The following ARAP2 variants were observed in gnomAD, a reference collection of about 807,000 sequenced individuals.
The protein encoded by ARAP2 is arf-GAP with Rho-GAP domain, ANK repeat and PH domain-containing protein 2.
Under a neutral mutation model 194.5 loss-of-function variants are expected in ARAP2, and 148 were observed. That is an observed-to-expected ratio of 0.76 (90% CI 0.67 to 0.87). ARAP2 has a LOEUF of 0.87. Ranked by LOEUF, ARAP2 falls within the 40% of genes least tolerant of loss-of-function variation. ARAP2 has a pLI of 0.00. For missense variants in ARAP2, 2,128 were observed against 1,989.7 expected (o/e 1.07, Z -1.32); for synonymous variants, 695 against 683.5 (o/e 1.02, Z -0.26).
intron 2 of ARAP2, among the ~76,000 whole-genome samples, chr4:36,224,323 T>C (rs918828699): frequency 2.6e-5 from 4 of 151,614 alleles, no homozygotes; most frequent in African/African-American, 9.7e-5. Context: ...ACACAATCAT[T>C]AGGCAGCAGT....
rs1722618253 is a variant in ARAP2 at position 36,121,290 on chromosome 4, G to C, written c.3783C>G (p.Ala1261=). Residue 1261 remains alanine (A), a synonymous_variant, in exon 23 of 33, where the codon GCC becomes GCG. Transcript: ENST00000303965. ...ATGAAAAGACCAAGGCCAAATTATGGGCATTCATGTGATTGATTTCTGAGC... is the reference window on the plus strand; with the variant it reads ...ATGAAAAGACCAAGGCCAAATTATGCGCATTCATGTGATTGATTTCTGAGC... ...QKCSEINHMN[A]HNLALVFSSC... The C allele has an allele frequency of 2.5e-6, 4 of 1,601,304 alleles. No individual in the cohort carries two copies. The highest frequency in any genetic ancestry group is 3.4e-6 in the Non-Finnish European group (4 of 1,172,832).
chr4:36,243,384 A>C (rs918851682), intron 1 of ARAP2, among the ~76,000 whole-genome samples: 3 of 42,028 alleles, frequency 7.1e-5, no homozygotes, highest in East Asian at 3.4e-4. Flanking sequence ...ACAAGCTTGC[A>C]AAAAAAAAAA....
At chr4:36,030,728 C>T (rs1472563133) in intron 5 of ARAP2, among the ~76,000 whole-genome samples, 1 of 149,958 alleles carries the variant, frequency 6.7e-6, no homozygotes, top group Non-Finnish European at 1.5e-5. Flanking sequence ...GTCTTAATTG[C>T]TATGACTACT....
chr4:36,114,349 G>T, intron 25 of ARAP2, 62 bp from the exon 26 acceptor site: 1 of 988,598 alleles, frequency 1.0e-6, no homozygotes, highest in Non-Finnish European at 1.5e-6. Flanking sequence ...CTTATGCTAG[G>T]TCAATAATAT....
intron 5 of ARAP2, among the ~76,000 whole-genome samples, chr4:36,045,748 A>T (rs1184723948): frequency 1.3e-5 from 2 of 152,198 alleles, no homozygotes; most frequent in Non-Finnish European, 2.9e-5. Context: ...TAGATATGCT[A>T]ATTAGACTGA....
At chr4:36,188,073 C>T (rs1740972712) in intron 7 of ARAP2, among the ~76,000 whole-genome samples, 1 of 152,136 alleles carries the variant, frequency 6.6e-6, no homozygotes. Flanking sequence ...CAACCTCAAA[C>T]TGTATCATTT....
chr4:36,121,655 G>A (rs1053974487), intron 22 of ARAP2, among the ~76,000 whole-genome samples: 8 of 151,648 alleles, frequency 5.3e-5, no homozygotes, highest in East Asian at 2.0e-4. Context: ...GCAGAATGGC[G>A]TAAAATGACT....
chr4:36,027,271 G>A (rs1718078277), intron 5 of ARAP2, among the ~76,000 whole-genome samples: 1 of 152,060 alleles, frequency 6.6e-6, no homozygotes, highest in East Asian at 1.9e-4. Context: ...AGCACAGAGA[G>A]CAAAGGTAAT....
chr4:36,069,396 A>G (rs1447465316), intron 32 of ARAP2, among the ~76,000 whole-genome samples: 2 of 152,196 alleles, frequency 1.3e-5, no homozygotes, highest in East Asian at 1.9e-4. Context: ...AAATACTAAG[A>G]AAAATAGTGA....
At chr4:36,136,089 A>G (rs1726644180) in intron 19 of ARAP2, among the ~76,000 whole-genome samples, 1 of 151,848 alleles carries the variant, frequency 6.6e-6, no homozygotes, top group African/African-American at 2.4e-5. Context: ...ATGGTTTGAC[A>G]TTTAATAGCA....
chr4:36,171,214 T>A (rs913227720), intron 9 of ARAP2, among the ~76,000 whole-genome samples: 1 of 152,184 alleles, frequency 6.6e-6, no homozygotes, highest in African/African-American at 2.4e-5. Context: ...TAAAGACACA[T>A]GCACACGTAT....
chr4:36,213,865 G>T (rs563860380), intron 3 of ARAP2, among the ~76,000 whole-genome samples: 1 of 152,056 alleles, frequency 6.6e-6, no homozygotes, highest in South Asian at 2.1e-4. Flanking sequence ...CACCATCCTT[G>T]AATTATACTA....
chr4:36,229,149 T>G lies in ARAP2; in HGVS notation c.338A>C (p.Gln113Pro). ...CIELSNSGSVQTSSPPQLETV... is the reference protein window; with the variant it reads ...CIELSNSGSVPTSSPPQLETV... ...CTCCAACTGCGGTGGGCTAGATGTC[T>G]GAACACTACCAGAATTGGAAAGTTC... The change falls in exon 2 of 33, where the codon CAG becomes CCG. Residue 113 changes from glutamine (Q) to proline (P), a missense_variant. Transcript: ENST00000303965. The G allele has an allele frequency of 6.2e-7, 1 of 1,614,154 alleles. No individual in the cohort carries two copies. Among genetic ancestry groups the G allele is most frequent in the Non-Finnish European group, 8.5e-7 (1 of 1,180,022 alleles).
chr4:36,160,615 T>C lies in ARAP2; in HGVS notation c.2286A>G (p.Arg762=). The change falls in exon 13 of 33, where the codon AGA becomes AGG. Residue 762 remains arginine (R), a synonymous_variant. Transcript: ENST00000303965. The stretch of plus-strand genomic sequence containing the variant: ...GATTACCAGCCCAAAAGTCATTTGC[T>C]CTTTTGTTTCCAATGACAATAAAAA... ...IELFIVIGNK[R]ANDFWAGNLQ... The C allele has an allele frequency of 6.8e-7, 1 of 1,479,580 alleles. No homozygotes were observed. The allele number at this position is 1,479,580 out of a possible 1,614,324, so 91.7% of individuals were successfully genotyped here.
At chr4:36,166,879 C>T in intron 10 of ARAP2, 53 bp downstream of exon 10, 1 of 1,086,922 alleles carries the variant, frequency 9.2e-7, no homozygotes, top group Admixed American at 2.5e-5. Flanking sequence ...AAAGGTGGAT[C>T]ACCCAAGCTT....
At chr4:36,075,764 A>T (rs1247195776) in intron 31 of ARAP2, among the ~76,000 whole-genome samples, 1 of 152,094 alleles carries the variant, frequency 6.6e-6, no homozygotes, top group African/African-American at 2.4e-5. Context: ...CCCAAACCTA[A>T]TTAAACACAA....
chr4:36,128,504 A>ACAC, intron 21 of ARAP2, 29 bp downstream of exon 21: 1 of 1,532,602 alleles, frequency 6.5e-7, no homozygotes, highest in South Asian at 1.1e-5. Context: ...ACACACACAC[A>ACAC]TATCTACAAA....
At chr4:36,088,753 G>C (rs1712633563) in intron 28 of ARAP2, among the ~76,000 whole-genome samples, 1 of 152,036 alleles carries the variant, frequency 6.6e-6, no homozygotes, top group African/African-American at 2.4e-5. Context: ...TAAAGCACAC[G>C]GAGTGCTGAA....
At chr4:36,126,803 A>G (rs1174439631) in intron 21 of ARAP2, among the ~76,000 whole-genome samples, 3 of 152,010 alleles carry the variant, frequency 2.0e-5, no homozygotes, top group Admixed American at 6.6e-5. Context: ...TTGTCACTCA[A>G]TTTGACAACT....
Sources: gnomAD v4.1 joint callset for allele counts (sites outside exome capture counted in the v4.1 genomes callset) on GRCh38, gnomAD v4.1.1 for gene constraint, MANE v1.5 for transcripts, NCBI Gene and HGNC (gene_info 2026-07-23, HGNC 2026-07-21) for gene names.